PPM1E: variants seen among roughly 807,000 people sequenced by gnomAD.
The protein encoded by PPM1E is protein phosphatase, Mg2+/Mn2+ dependent 1E, also known as protein phosphatase 1E.
PPM1E carries 20 observed loss-of-function variants against 65.9 expected under a neutral mutation model. The ratio of observed to expected loss-of-function variants is 0.30; its 90% CI spans 0.21 to 0.44. The LOEUF is 0.44. Ranked by LOEUF, PPM1E falls within the 20% of genes least tolerant of loss-of-function variation. The pLI is 1.00. For missense variants in PPM1E, 713 were observed against 953.1 expected (o/e 0.75, Z 3.32); for synonymous variants, 352 against 374.9 (o/e 0.94, Z 0.70).
chr17:58,762,171 A>T (rs540420098), intron 1 of PPM1E, among the ~76,000 whole-genome samples: 2 of 152,224 alleles, frequency 1.3e-5, no homozygotes, highest in Non-Finnish European at 2.9e-5. Context: ...TAACAAAATT[A>T]GCCCTCATGA....
intron 6 of PPM1E, among the ~76,000 whole-genome samples, chr17:58,973,709 T>C (rs1219781921): frequency 6.6e-6 from 1 of 151,586 alleles, no homozygotes; most frequent in African/African-American, 2.4e-5. Context: ...TCCCAGCACT[T>C]TGGGAGGCTG....
chr17:58,889,666 C>T (rs2051322347), intron 1 of PPM1E, among the ~76,000 whole-genome samples: 1 of 152,108 alleles, frequency 6.6e-6, no homozygotes, highest in African/African-American at 2.4e-5. Flanking sequence ...TGACACTATC[C>T]ACAATTATAC....
rs557001698 is a variant in PPM1E, at chr17:58,757,681, A to G, written c.464+1220A>G. ...CATCCAAGCTAATAGACACCTGATCAGATCATTCTCCTGTTAAAGCAGCAG... is the reference window on the plus strand; with the variant it reads ...CATCCAAGCTAATAGACACCTGATCGGATCATTCTCCTGTTAAAGCAGCAG... On this transcript the variant is annotated intron_variant, in intron 1 of 6. Coordinates refer to ENST00000308249, the MANE Select transcript of PPM1E (RefSeq NM_014906.5). 2.4e-3 allele frequency among the ~76,000 whole-genome samples: 364 copies of G among 152,384 alleles called. 3 individuals carry two copies. The highest frequency in any genetic ancestry group is 4.0e-3 in the Non-Finnish European group (273 of 68,034).
chr17:58,953,520 G>A (rs2052269317), intron 1 of PPM1E, among the ~76,000 whole-genome samples: 1 of 152,162 alleles, frequency 6.6e-6, no homozygotes, highest in Non-Finnish European at 1.5e-5. Flanking sequence ...ATTCATGAGG[G>A]ACCTGCTTCC....
chr17:58,817,723 A>G (rs1598589904), intron 1 of PPM1E, among the ~76,000 whole-genome samples: 1 of 152,176 alleles, frequency 6.6e-6, no homozygotes, highest in South Asian at 2.1e-4. Context: ...TGTCCTAGAA[A>G]ATGCTTGCAT....
At position 58,786,116 on chromosome 17, in the gene PPM1E, G is replaced by A. The variant is rs560905961; in HGVS notation, c.464+29655G>A. ...TTCAAGCTCCGCCTCCCGGGTTCAC[G>A]CCATTCTCCTGCCTCAGCCTCCCAA... On this transcript the variant is annotated intron_variant, in intron 1 of 6. Coordinates refer to ENST00000308249, the MANE Select transcript of PPM1E (RefSeq NM_014906.5). Among the ~76,000 whole-genome samples the A allele has an allele frequency of 1.3e-4, 19 of 150,574 alleles. No homozygotes were observed. The East Asian group carries it at 2.9e-3, about 23-fold the overall frequency.
chr17:58,972,729 C>A, intron 5 of PPM1E, 103 bp from the exon 6 acceptor site: 1 of 1,041,034 alleles, frequency 9.6e-7, no homozygotes, highest in Non-Finnish European at 1.5e-6. Flanking sequence ...CAAAGAGAAC[C>A]TTTTCATGAG....
At chr17:58,911,045 T>C (rs2051621626) in intron 1 of PPM1E, among the ~76,000 whole-genome samples, 1 of 152,150 alleles carries the variant, frequency 6.6e-6, no homozygotes, top group Admixed American at 6.6e-5. Context: ...CCTGGAGTTT[T>C]TGACTATCAG....
At chr17:58,790,569 G>A (rs1228572410) in intron 1 of PPM1E, among the ~76,000 whole-genome samples, 1 of 152,148 alleles carries the variant, frequency 6.6e-6, no homozygotes, top group Non-Finnish European at 1.5e-5. Flanking sequence ...GGAACTTTGA[G>A]GCTAGACCTT....
intron 1 of PPM1E, among the ~76,000 whole-genome samples, chr17:58,775,062 G>A (rs1017811937): frequency 2.6e-5 from 4 of 152,048 alleles, no homozygotes; most frequent in Admixed American, 1.3e-4. Context: ...CTTGTTGGCC[G>A]GGATGCTTGT....
chr17:58,827,911 AAATAATAAT>A (rs34556547), intron 1 of PPM1E, among the ~76,000 whole-genome samples: 2 of 144,682 alleles, frequency 1.4e-5, no homozygotes, highest in Non-Finnish European at 1.5e-5. Context: ...CAAAAAAAAA[AAATAATAAT>A]AATAATAATA....
intron 1 of PPM1E, among the ~76,000 whole-genome samples, chr17:58,876,114 G>A (rs1191211655): frequency 6.6e-6 from 1 of 152,028 alleles, no homozygotes; most frequent in East Asian, 1.9e-4. Flanking sequence ...CTAAAATTTT[G>A]TTTTTGGCTT....
At chr17:58,948,684 G>A (rs530817988) in intron 1 of PPM1E, among the ~76,000 whole-genome samples, 65 of 152,276 alleles carry the variant, frequency 4.3e-4, no homozygotes, top group Middle Eastern at 3.4e-3. Flanking sequence ...TGCTTTGGCT[G>A]AGTCCCATAG....
intron 1 of PPM1E, among the ~76,000 whole-genome samples, chr17:58,877,578 T>C (rs1051204424): frequency 2.0e-5 from 3 of 152,190 alleles, no homozygotes; most frequent in African/African-American, 7.2e-5. Context: ...TTATAAATGG[T>C]AGGTTCCTAG....
intron 1 of PPM1E, among the ~76,000 whole-genome samples, chr17:58,942,686 T>G (rs972678158): frequency 1.3e-5 from 2 of 151,648 alleles, no homozygotes; most frequent in South Asian, 2.1e-4. Flanking sequence ...TTTGTGGGGG[T>G]AGGGGGAGGG....
At chr17:58,811,152 C>A (rs1250022439) in intron 1 of PPM1E, among the ~76,000 whole-genome samples, 1 of 152,096 alleles carries the variant, frequency 6.6e-6, no homozygotes. Context: ...GTCACCTCAC[C>A]CAGCCTTGTT....
At chr17:58,884,806 A>G (rs1187930090) in intron 1 of PPM1E, among the ~76,000 whole-genome samples, 2 of 152,182 alleles carry the variant, frequency 1.3e-5, no homozygotes, top group African/African-American at 4.8e-5. Context: ...AGTTAATTAA[A>G]ATTAACTTAT....
chr17:58,876,813 T>A (rs2051131637), intron 1 of PPM1E, among the ~76,000 whole-genome samples: 1 of 152,218 alleles, frequency 6.6e-6, no homozygotes, highest in African/African-American at 2.4e-5. Context: ...AGACGGAGTC[T>A]GGCCCTGTCC....
intron 1 of PPM1E, among the ~76,000 whole-genome samples, chr17:58,931,477 A>G (rs2051898313): frequency 6.6e-6 from 1 of 152,158 alleles, no homozygotes; most frequent in African/African-American, 2.4e-5. Context: ...GAAGTCAGGT[A>G]GACTTGAATC....
Sources: gnomAD v4.1 joint callset for allele counts (sites outside exome capture counted in the v4.1 genomes callset) on GRCh38, gnomAD v4.1.1 for gene constraint, MANE v1.5 for transcripts, NCBI Gene and HGNC (gene_info 2026-07-23, HGNC 2026-07-21) for gene names.